The following CFAP299 variants were observed in gnomAD, a reference collection of about 807,000 sequenced individuals.
CFAP299 encodes cilia- and flagella-associated protein 299.
CFAP299 carries 21 observed loss-of-function variants against 27.0 expected under a neutral mutation model. That is an observed-to-expected ratio of 0.78 (90% CI 0.55 to 1.12). CFAP299 has a LOEUF of 1.12. Ranked by LOEUF, CFAP299 falls within the 50% of genes most tolerant of loss-of-function variation. The pLI is 0.00. For synonymous variants in CFAP299, 104 were observed against 98.1 expected (o/e 1.06, Z -0.36); for missense variants, 310 against 276.6 (o/e 1.12, Z -0.86).
At chr4:80,777,763 G>A (rs1726637976) in intron 3 of CFAP299, among the ~76,000 whole-genome samples, 1 of 151,978 alleles carries the variant, frequency 6.6e-6, no homozygotes, top group African/African-American at 2.4e-5. Flanking sequence ...TTTTTAAAGG[G>A]CCCTTAACTC....
intron 3 of CFAP299, among the ~76,000 whole-genome samples, chr4:80,785,459 A>G (rs537306765): frequency 1.3e-5 from 2 of 151,976 alleles, no homozygotes; most frequent in African/African-American, 4.8e-5. Context: ...TTCTATTTTC[A>G]TGGCCAGAAT....
At chr4:80,762,934 T>C (rs1725620829) in intron 3 of CFAP299, among the ~76,000 whole-genome samples, 2 of 152,144 alleles carry the variant, frequency 1.3e-5, no homozygotes, top group Admixed American at 6.5e-5. Flanking sequence ...GCTCAACTTC[T>C]TTCTCTTTCA....
chr4:80,518,965 T>C (rs1732753849), intron 2 of CFAP299, among the ~76,000 whole-genome samples: 1 of 152,020 alleles, frequency 6.6e-6, no homozygotes, highest in African/African-American at 2.4e-5. Flanking sequence ...TGCTGGAAAG[T>C]TAAGTGTGAA....
At chr4:80,890,274 A>G (rs1204139728) in intron 4 of CFAP299, among the ~76,000 whole-genome samples, 1 of 152,154 alleles carries the variant, frequency 6.6e-6, no homozygotes, top group East Asian at 1.9e-4. Flanking sequence ...AACAAATTCA[A>G]TAAAGTTGCG....
chr4:80,565,158 C>T (rs188895951), intron 2 of CFAP299, among the ~76,000 whole-genome samples: 1 of 152,004 alleles, frequency 6.6e-6, no homozygotes, highest in Admixed American at 6.6e-5. Flanking sequence ...CATATACTGG[C>T]AAAAACATGA....
At chr4:80,354,855 C>T (rs1723186805) in intron 1 of CFAP299, among the ~76,000 whole-genome samples, 1 of 152,086 alleles carries the variant, frequency 6.6e-6, no homozygotes, top group Non-Finnish European at 1.5e-5. Context: ...CATGATCTTA[C>T]TCATTTTATA....
chr4:80,906,688 C>T (rs1332717027), intron 4 of CFAP299, among the ~76,000 whole-genome samples: 8 of 152,182 alleles, frequency 5.3e-5, no homozygotes, highest in Admixed American at 5.2e-4. Context: ...GGGGCTTGCA[C>T]CTTCTTTGGC....
At chr4:80,827,530 ACACT>A (rs1312956578) in intron 3 of CFAP299, among the ~76,000 whole-genome samples, 2 of 151,938 alleles carry the variant, frequency 1.3e-5, no homozygotes, top group Non-Finnish European at 2.9e-5. Flanking sequence ...CATGATAAAA[ACACT>A]CAGCAAACTA....
At chr4:80,329,208 C>CATATATATATATAT in the CFAP299 span, among the ~76,000 whole-genome samples, 1,289 of 135,942 alleles carry the variant, frequency 9.5e-3, 32 homozygotes, top group African/African-American at 0.033. Context: ...ACACTGTATA[C>CATATATATATATAT]ATATATATAT....
intron 2 of CFAP299, among the ~76,000 whole-genome samples, chr4:80,421,702 G>A (rs1381217671): frequency 2.0e-5 from 3 of 152,154 alleles, no homozygotes; most frequent in Non-Finnish European, 4.4e-5. Flanking sequence ...AACTTAAGGA[G>A]GTCTTGGAAC....
chr4:80,644,221 T>G (rs557923513), intron 3 of CFAP299, among the ~76,000 whole-genome samples: 1 of 152,318 alleles, frequency 6.6e-6, no homozygotes, highest in African/African-American at 2.4e-5. Context: ...TTTGTGTGTG[T>G]TTTTGTATGT....
intron 1 of CFAP299, among the ~76,000 whole-genome samples, chr4:80,344,379 C>A: frequency 6.6e-6 from 1 of 152,098 alleles, no homozygotes; most frequent in African/African-American, 2.4e-5. Flanking sequence ...CCTCTTCGTG[C>A]AGAAAATAGA....
At chr4:80,878,407 A>G (rs1326579990) in intron 4 of CFAP299, among the ~76,000 whole-genome samples, 1 of 152,080 alleles carries the variant, frequency 6.6e-6, no homozygotes, top group African/African-American at 2.4e-5. Flanking sequence ...TATTTCTTTT[A>G]GACAAGAACT....
At chr4:80,762,025 TG>T (rs1415465588) in intron 3 of CFAP299, among the ~76,000 whole-genome samples, 7 of 151,988 alleles carry the variant, frequency 4.6e-5, no homozygotes, top group African/African-American at 1.2e-4. Flanking sequence ...TATATGTGTT[TG>T]GGATTCAAAT....
intron 3 of CFAP299, among the ~76,000 whole-genome samples, chr4:80,665,228 A>G (rs1741088424): frequency 6.6e-6 from 1 of 152,188 alleles, no homozygotes; most frequent in Non-Finnish European, 1.5e-5. Context: ...ATATTTTGGA[A>G]ATTCCTAGCA....
At chr4:80,871,095 C>T in intron 4 of CFAP299, 1 of 515,392 alleles carries the variant, frequency 1.9e-6, no homozygotes, top group Non-Finnish European at 2.5e-6. Flanking sequence ...TTAGTAGAGA[C>T]AGGGTTCCAC....
chr4:80,547,608 G>A (rs527887338), intron 2 of CFAP299, among the ~76,000 whole-genome samples: 2 of 152,022 alleles, frequency 1.3e-5, no homozygotes, highest in Non-Finnish European at 2.9e-5. Context: ...ATGAGAGAAA[G>A]TATTGGCAAA....
chr4:80,391,742 A>T (rs1725492732), intron 2 of CFAP299, among the ~76,000 whole-genome samples: 2 of 152,136 alleles, frequency 1.3e-5, no homozygotes, highest in Admixed American at 1.3e-4. Flanking sequence ...CTAAGATGGG[A>T]CTACTGCTTG....
intron 3 of CFAP299, among the ~76,000 whole-genome samples, chr4:80,660,658 G>A (rs1478413380): frequency 6.6e-6 from 1 of 152,178 alleles, no homozygotes; most frequent in African/African-American, 2.4e-5. Context: ...TCTGGATTTT[G>A]CCTTTGGTTT....
Sources: allele counts gnomAD v4.1 joint callset (sites outside exome capture counted in the v4.1 genomes callset), GRCh38; gene constraint gnomAD v4.1.1; transcripts MANE v1.5; gene names NCBI Gene and HGNC (gene_info 2026-07-23, HGNC 2026-07-21).